Variants in WWOX observed in about 807,000 individuals in gnomAD.
The protein encoded by WWOX is WW domain-containing oxidoreductase.
WWOX carries 69 observed loss-of-function variants against 46.2 expected under a neutral mutation model. The observed-to-expected ratio is 1.49, with a 90% CI of 1.23 to 1.82. The LOEUF (loss-of-function observed/expected upper bound fraction) is 1.82, where lower values mean the gene tolerates loss of function less well. Among genes scored for constraint, WWOX ranks in the 40% most tolerant of loss-of-function variants. WWOX has a pLI of 0.00. For missense variants in WWOX, 919 were observed against 542.6 expected (o/e 1.69, Z -6.89); for synonymous variants, 359 against 202.6 (o/e 1.77, Z -6.56).
intron 8 of WWOX, among the ~76,000 whole-genome samples, chr16:78,993,913 G>C (rs1311616290): frequency 1.3e-5 from 2 of 152,136 alleles, no homozygotes; most frequent in East Asian, 3.9e-4. Flanking sequence ...ATTATTTCCA[G>C]TGTATGTGAC....
At chr16:79,021,051 A>C (rs1314326237) in intron 8 of WWOX, among the ~76,000 whole-genome samples, 5 of 152,196 alleles carry the variant, frequency 3.3e-5, no homozygotes, top group Non-Finnish European at 7.3e-5. Context: ...GTTTTCAGGG[A>C]GAGCAAGAGA....
chr16:78,609,145 A>G (rs969198222), intron 8 of WWOX, among the ~76,000 whole-genome samples: 3 of 152,188 alleles, frequency 2.0e-5, no homozygotes, highest in East Asian at 1.9e-4. Context: ...GGAAGGTTAT[A>G]TTTGAAATCT....
intron 8 of WWOX, among the ~76,000 whole-genome samples, chr16:78,493,978 C>T (rs1231500861): frequency 1.3e-5 from 2 of 152,210 alleles, no homozygotes; most frequent in African/African-American, 2.4e-5. Context: ...GCTATAAAGA[C>T]ATTCCTGAGA....
rs192130630 is a variant in WWOX, at chr16:78,145,340, G to A, written c.410-18843G>A. ...CTCAAACCTCAAAAATAGAGAAGCC[G>A]ATAGTGTAGCCTTCAGGCTGTGGTC... On this transcript the variant is annotated intron_variant, in intron 4 of 8. Coordinates refer to ENST00000566780, the MANE Select transcript of WWOX (RefSeq NM_016373.4). Among the ~76,000 whole-genome samples, 14 of 152,298 alleles carry A rather than the reference G, an allele frequency of 9.2e-5. No individual in the cohort carries two copies. In the East Asian group the frequency reaches 2.3e-3, roughly 25 times the overall value.
intron 8 of WWOX, among the ~76,000 whole-genome samples, chr16:78,942,088 C>T: frequency 6.6e-6 from 1 of 152,112 alleles, no homozygotes; most frequent in South Asian, 2.1e-4. Context: ...TGCCCAAGTT[C>T]AAATTACGTA....
At chr16:78,685,517 A>G (rs3751882) in intron 8 of WWOX, among the ~76,000 whole-genome samples, 52,896 of 152,076 alleles carry the variant, frequency 0.35, 11,376 homozygotes, top group African/African-American at 0.61. Flanking sequence ...GGGACTATGT[A>G]TCCTAAAATG....
chr16:78,416,150 C>A (rs1188246695), intron 6 of WWOX, among the ~76,000 whole-genome samples: 1 of 152,212 alleles, frequency 6.6e-6, no homozygotes, highest in Non-Finnish European at 1.5e-5. Flanking sequence ...CTAGTAACAT[C>A]AGTTTTTGGA....
Position 78,860,606 on chromosome 16 carries a change from G to A in WWOX, c.1057-351002G>A, listed in dbSNP as rs74035128. ...ATCCTGGTGGATCTTAGATTATCGT[G>A]GAGAAGGTAAGGCAACAAACACAAA... is the stretch of plus-strand genomic sequence containing the variant. On this transcript the variant is annotated intron_variant, in intron 8 of 8. Coordinates refer to ENST00000566780, the MANE Select transcript of WWOX (RefSeq NM_016373.4). Among the ~76,000 whole-genome samples, 1,261 of 152,310 alleles carry A rather than the reference G, an allele frequency of 8.3e-3. 20 individuals are homozygous for A. Among genetic ancestry groups the A allele is most frequent in the African/African-American group, 0.029 (1,197 of 41,558 alleles).
chr16:78,506,628 C>T (rs1248872773), intron 8 of WWOX: 1 of 151,336 alleles, frequency 6.6e-6, no homozygotes, highest in Non-Finnish European at 1.5e-5. Context: ...TAATTATTAC[C>T]TACCCAAGGT....
intron 8 of WWOX, among the ~76,000 whole-genome samples, chr16:78,988,269 G>A (rs186178324): frequency 2.0e-5 from 3 of 151,712 alleles, no homozygotes; most frequent in African/African-American, 7.3e-5. Context: ...ACTTGAACCC[G>A]GGAGGCAGAG....
intron 8 of WWOX, among the ~76,000 whole-genome samples, chr16:79,061,148 AG>A (rs558998318): frequency 1.9e-3 from 295 of 152,312 alleles, no homozygotes; most frequent in Middle Eastern, 6.8e-3. Context: ...CTTTATGTTG[AG>A]GGAGAAATGA....
chr16:78,258,399 T>C (rs2038186335), intron 5 of WWOX, among the ~76,000 whole-genome samples: 4 of 152,194 alleles, frequency 2.6e-5, no homozygotes, highest in African/African-American at 7.2e-5. Flanking sequence ...TATTAACATA[T>C]TGCATTGGTG....
At chr16:78,757,212 GT>G (rs1019074189) in intron 8 of WWOX, among the ~76,000 whole-genome samples, 2 of 152,244 alleles carry the variant, frequency 1.3e-5, no homozygotes, top group African/African-American at 4.8e-5. Flanking sequence ...AGCCCACTTA[GT>G]TTTGGGATAA....
chr16:78,541,688 G>A (rs895060605), intron 8 of WWOX, among the ~76,000 whole-genome samples: 1 of 151,870 alleles, frequency 6.6e-6, no homozygotes, highest in Non-Finnish European at 1.5e-5. Context: ...TTGAAAAAGT[G>A]ATTTAGCCTT....
At chr16:78,377,456 T>C (rs562422947) in intron 5 of WWOX, among the ~76,000 whole-genome samples, 1 of 152,330 alleles carries the variant, frequency 6.6e-6, no homozygotes, top group South Asian at 2.1e-4. Flanking sequence ...TTTACTTGCC[T>C]GCAATCCTTC....
At position 78,210,415 on chromosome 16, in the gene WWOX, T is replaced by C. The variant is rs1422390707; in HGVS notation, c.516+46126T>C. On this transcript the variant is annotated intron_variant, in intron 5 of 8. Transcript: ENST00000566780. Reference sequence around the variant, plus strand: ...GCTAATGACAAAGCCCTGCAAACTTTTGTAGTTGCTGCTGGTCTCTTTGGA... The same window carrying C: ...GCTAATGACAAAGCCCTGCAAACTTCTGTAGTTGCTGCTGGTCTCTTTGGA... 7.2e-5 allele frequency among the ~76,000 whole-genome samples: 11 copies of C among 152,160 alleles called. 1 individual carries two copies. The highest frequency in any genetic ancestry group is 1.9e-4 in the East Asian group (1 of 5,192).
intron 8 of WWOX, among the ~76,000 whole-genome samples, chr16:79,161,764 C>G (rs914173031): frequency 2.0e-5 from 3 of 152,230 alleles, no homozygotes; most frequent in Non-Finnish European, 2.9e-5. Context: ...AGCAATCCAC[C>G]CGCCTTGGCC....
chr16:79,184,751 G>A (rs1380087962), intron 8 of WWOX, among the ~76,000 whole-genome samples: 2 of 152,222 alleles, frequency 1.3e-5, no homozygotes, highest in East Asian at 3.9e-4. Context: ...CAAGATAGGA[G>A]TTTGAAGAGG....
intron 8 of WWOX, among the ~76,000 whole-genome samples, chr16:78,906,928 C>A (rs1367730884): frequency 6.6e-6 from 1 of 152,186 alleles, no homozygotes; most frequent in Non-Finnish European, 1.5e-5. Flanking sequence ...GAAATAATTA[C>A]GCAAATAAGC....
Sources: gnomAD v4.1 joint callset for allele counts (sites outside exome capture counted in the v4.1 genomes callset) on GRCh38, gnomAD v4.1.1 for gene constraint, MANE v1.5 for transcripts, NCBI Gene and HGNC (gene_info 2026-07-23, HGNC 2026-07-21) for gene names.